ZC3H11A: variants seen among roughly 807,000 people sequenced by gnomAD.
ZC3H11A encodes zinc finger CCCH domain-containing protein 11A.
Under a neutral mutation model 90.8 loss-of-function variants are expected in ZC3H11A, and 22 were observed. The observed-to-expected ratio is 0.24, with a 90% CI of 0.17 to 0.35. The LOEUF is 0.35. ZC3H11A is among the 10% of genes least tolerant of loss of function. ZC3H11A has a pLI of 1.00. For missense variants in ZC3H11A, 701 were observed against 964.9 expected, an observed-to-expected ratio of 0.73 and a Z score of 3.62; for synonymous variants, 294 against 339.8, an observed-to-expected ratio of 0.87 and a Z score of 1.48.
In ZC3H11A at chr1:203,828,127, A is replaced by G. The variant is rs200878067; in HGVS notation, c.175-172A>G. Reference sequence around the variant, plus strand: ...ACTCTCCTGCTCCATTCAGCTCTCCATCATGCCTAAGTTATGTTATTTTCA... The same window carrying G: ...ACTCTCCTGCTCCATTCAGCTCTCCGTCATGCCTAAGTTATGTTATTTTCA... On this transcript the variant is annotated intron_variant, in intron 4 of 17. Transcript: ENST00000367210. Among the ~76,000 whole-genome samples the G allele has an allele frequency of 3.3e-5, 5 of 152,196 alleles. No individual in the cohort carries two copies. The East Asian group carries it at 9.6e-4, about 29-fold the overall frequency.
chr1:203,849,344 A>G (rs557931349), intron 14 of ZC3H11A, among the ~76,000 whole-genome samples: 1 of 152,352 alleles, frequency 6.6e-6, no homozygotes, highest in South Asian at 2.1e-4. Context: ...TACTGACCAC[A>G]TGATTCTCCA....
Position 203,802,714 on chromosome 1 carries a change from C to CTTTTTTTTTTGTTTTTTTTTTT in ZC3H11A, c.-439_-438insTGTTTTTTTTTTTTTTTTTTTT, listed in dbSNP as rs150416242. ...TCTCAAGTTCATCTTTAAATGAACT[C>CTTTTTTTTTTGTTTTTTTTTTT]TTTTTTTTTGTTTTTTTTTTGTTTT... On this transcript the variant is annotated 5_prime_UTR_variant, in exon 2 of 18. An upstream open reading frame in the 5' UTR loses its in-frame stop. Transcript: ENST00000367210. The CTTTTTTTTTTGTTTTTTTTTTT allele has an allele frequency of 7.6e-6, 1 of 131,658 alleles. No individual in the cohort carries two copies. Among genetic ancestry groups the CTTTTTTTTTTGTTTTTTTTTTT allele is most frequent in the Non-Finnish European group, 1.6e-5 (1 of 60,924 alleles). The allele number at this position is 131,658 out of a possible 1,614,324, so 8.2% of individuals were successfully genotyped here.
intron 1 of ZC3H11A, chr1:203,799,887 G>A: frequency 1.3e-6 from 2 of 1,535,968 alleles, no homozygotes; most frequent in Non-Finnish European, 1.7e-6. Context: ...TGCTGATTTA[G>A]AAACTTATAA....
intron 2 of ZC3H11A, among the ~76,000 whole-genome samples, chr1:203,804,741 TG>T (rs1482467638): frequency 1.3e-5 from 2 of 151,720 alleles, no homozygotes; most frequent in African/African-American, 4.8e-5. Flanking sequence ...GGTGCTGTCT[TG>T]GCTCATTGCA....
Position 203,853,410 on chromosome 1 carries a change from G to T in ZC3H11A, c.*1011G>T, listed in dbSNP as rs879172364. On this transcript the variant is annotated 3_prime_UTR_variant, in exon 18 of 18. Transcript: ENST00000367210. ...AGGGATATTGAGATGCTCTGGGGGT[G>T]TATTGTATACCTGCCAGTTTTCTTC... The T allele has an allele frequency of 6.6e-6, 1 of 152,532 alleles. No individual in the cohort carries two copies. The highest frequency in any genetic ancestry group is 1.5e-5 in the Non-Finnish European group (1 of 68,042). 9.4% of individuals were successfully genotyped at this position (152,532 alleles called of 1,614,324 possible).
At chr1:203,844,205 A>G (rs1687271382) in intron 12 of ZC3H11A, among the ~76,000 whole-genome samples, 1 of 151,284 alleles carries the variant, frequency 6.6e-6, no homozygotes, top group East Asian at 1.9e-4. Flanking sequence ...ACTCTCATCC[A>G]GGCTGGAGTG....
At chr1:203,830,026 T>TG (rs1347283591) in intron 7 of ZC3H11A, 97 bp from the exon 8 acceptor site, 1 of 1,320,714 alleles carries the variant, frequency 7.6e-7, no homozygotes. Flanking sequence ...TAGTTTCTGT[T>TG]GATCATTTAT....
chr1:203,796,423 A>C, intron 1 of ZC3H11A: 6 of 399,094 alleles, frequency 1.5e-5, no homozygotes, highest in Non-Finnish European at 2.2e-5. Flanking sequence ...AGTCAAGAGC[A>C]ACAGGGACAC....
chr1:203,797,581 A>C, intron 1 of ZC3H11A: 1 of 1,533,352 alleles, frequency 6.5e-7, no homozygotes. Context: ...AGAAGATGCA[A>C]CACTTTTAGT....
At chr1:203,850,814 C>T in intron 16 of ZC3H11A, 133 bp downstream of exon 16, 2 of 1,322,734 alleles carry the variant, frequency 1.5e-6, no homozygotes, top group Non-Finnish European at 1.0e-6. Flanking sequence ...ATTTGGGTTA[C>T]TACTGTATTT....
chr1:203,840,660 T>C (rs1685834337), intron 12 of ZC3H11A, among the ~76,000 whole-genome samples: 1 of 151,568 alleles, frequency 6.6e-6, no homozygotes, highest in Non-Finnish European at 1.5e-5. Flanking sequence ...TGAGACAGAG[T>C]TTTGCTCTTG....
At chr1:203,805,767 T>C in intron 2 of ZC3H11A, 2 of 684,454 alleles carry the variant, frequency 2.9e-6, no homozygotes, top group African/African-American at 1.8e-5. Context: ...CATCACCCAG[T>C]GTATCCAACT....
chr1:203,830,268 T>G (rs1046492460), intron 8 of ZC3H11A, 65 bp downstream of exon 8: 1 of 1,271,002 alleles, frequency 7.9e-7, no homozygotes, highest in African/African-American at 1.5e-5. Flanking sequence ...AGGACGCTTC[T>G]AGAAGCAACA....
chr1:203,799,462 A>G (rs1481570352), intron 1 of ZC3H11A: 2 of 703,042 alleles, frequency 2.8e-6, no homozygotes, highest in Non-Finnish European at 5.2e-6. Flanking sequence ...GAAACTGGCC[A>G]TTGGATTTCT....
intron 11 of ZC3H11A, among the ~76,000 whole-genome samples, chr1:203,839,730 C>T (rs1685486731): frequency 6.6e-6 from 1 of 152,160 alleles, no homozygotes; most frequent in Non-Finnish European, 1.5e-5. Flanking sequence ...GAAGGCTCTA[C>T]AATAACAAAA....
In ZC3H11A at chr1:203,811,601, T is replaced by C. The variant is rs1054769165; in HGVS notation, c.-145-5325T>C. On this transcript the variant is annotated intron_variant, in intron 2 of 17. Transcript: ENST00000367210. ...GTGGCTCACTGCAACCTCTGCCCCCTGGATTCAAGCGATTCTTGTACATTA... is the reference window on the plus strand; with the variant it reads ...GTGGCTCACTGCAACCTCTGCCCCCCGGATTCAAGCGATTCTTGTACATTA... Among the ~76,000 whole-genome samples the C allele has an allele frequency of 6.6e-5, 10 of 152,110 alleles. No homozygotes were observed. In the South Asian group the frequency reaches 1.9e-3, roughly 28 times the overall value.
intron 4 of ZC3H11A, among the ~76,000 whole-genome samples, chr1:203,825,088 A>AG (rs1343790842): frequency 1.3e-5 from 2 of 151,540 alleles, no homozygotes; most frequent in East Asian, 3.9e-4. Flanking sequence ...AAAAAAAAAA[A>AG]AAAAAAAGAA....
chr1:203,799,134 A>T (rs1669693421), intron 1 of ZC3H11A: 1 of 1,510,682 alleles, frequency 6.6e-7, no homozygotes, highest in Non-Finnish European at 8.9e-7. Flanking sequence ...TTTGATAACC[A>T]ATATTTTACA....
At chr1:203,819,530 T>G (rs1369557813) in intron 4 of ZC3H11A, among the ~76,000 whole-genome samples, 2 of 7,448 alleles carry the variant, frequency 2.7e-4, no homozygotes, top group Non-Finnish European at 6.1e-4. Flanking sequence ...CTGACTCCAA[T>G]TTTTTTTTTT....
Sources: gnomAD v4.1 joint callset for allele counts (sites outside exome capture counted in the v4.1 genomes callset) on GRCh38, gnomAD v4.1.1 for gene constraint, MANE v1.5 for transcripts, NCBI Gene and HGNC (gene_info 2026-07-23, HGNC 2026-07-21) for gene names.